Variants in PEX5L observed in about 807,000 individuals in gnomAD.
The protein encoded by PEX5L is PEX5-related protein.
Under a neutral mutation model 84.0 loss-of-function variants are expected in PEX5L, and 30 were observed. The ratio of observed to expected loss-of-function variants is 0.36; its 90% CI spans 0.27 to 0.48. The LOEUF (loss-of-function observed/expected upper bound fraction) is 0.48. PEX5L is among the 20% of genes least tolerant of loss of function. The pLI is 0.99. For missense variants in PEX5L, 533 were observed against 754.6 expected (o/e 0.71, Z 3.44); for synonymous variants, 270 against 283.1 (o/e 0.95, Z 0.46).
At chr3:179,852,122 AG>A (rs1271132422) in intron 8 of PEX5L, among the ~76,000 whole-genome samples, 1 of 152,228 alleles carries the variant, frequency 6.6e-6, no homozygotes, top group Non-Finnish European at 1.5e-5. Context: ...TCTGAGGGTC[AG>A]GAATTAGGGA....
rs922088468 is a variant in PEX5L, at chr3:179,887,300, C to T, written c.310+373G>A. Among the ~76,000 whole-genome samples, 6 of 152,036 alleles carry T rather than the reference C, an allele frequency of 3.9e-5. No individual in the cohort carries two copies. The East Asian group carries it at 9.6e-4, about 24-fold the overall frequency. On this transcript the variant is annotated intron_variant, in intron 4 of 14. Transcript: ENST00000467460. ...GCCACATTTTTATTTACTGGACTTC[C>T]GTTATACAAAATATTTCCAGAAATA...
intron 2 of PEX5L, among the ~76,000 whole-genome samples, chr3:179,908,276 G>A (rs148316797): frequency 1.2e-4 from 19 of 152,334 alleles, no homozygotes; most frequent in African/African-American, 3.1e-4. Context: ...CACAGTCAGC[G>A]TGTAGCTGGG....
At chr3:179,899,698 T>G (rs1338393562) in intron 2 of PEX5L, among the ~76,000 whole-genome samples, 1 of 152,180 alleles carries the variant, frequency 6.6e-6, no homozygotes, top group East Asian at 1.9e-4. Context: ...AGCTAATAGA[T>G]TTTTAAATGT....
At chr3:179,876,878 T>C (rs1752601463) in intron 5 of PEX5L, among the ~76,000 whole-genome samples, 1 of 152,174 alleles carries the variant, frequency 6.6e-6, no homozygotes, top group Non-Finnish European at 1.5e-5. Flanking sequence ...TGTTTCAAAT[T>C]TGGGATTTTT....
At chr3:179,813,968 G>A (rs1348093006) in intron 10 of PEX5L, among the ~76,000 whole-genome samples, 3 of 147,262 alleles carry the variant, frequency 2.0e-5, no homozygotes, top group African/African-American at 7.6e-5. Flanking sequence ...GAGCCACCGC[G>A]CCCGGCCATT....
chr3:179,796,289 T>C lies in PEX5L; in HGVS notation c.*5539A>G, dbSNP rs1199103357. On this transcript the variant is annotated 3_prime_UTR_variant, in exon 15 of 15. Coordinates refer to ENST00000467460, the MANE Select transcript of PEX5L (RefSeq NM_016559.3). ...TATTATTTTGAGTGCAGGCTTCTAT[T>C]AAGTATCCCACGGAGCTCATCAGGG... 6.6e-6 allele frequency: 1 copy of C among 152,212 alleles called. No individual in the cohort carries two copies. The highest frequency in any genetic ancestry group is 1.5e-5 in the Non-Finnish European group (1 of 68,034). The allele number at this position is 152,212 out of a possible 1,614,324, so 9.4% of individuals were successfully genotyped here.
chr3:180,023,135 C>T (rs1373814814), intron 1 of PEX5L, among the ~76,000 whole-genome samples: 1 of 152,194 alleles, frequency 6.6e-6, no homozygotes, highest in Non-Finnish European at 1.5e-5. Context: ...GACCCAGATT[C>T]TACTCCTCAG....
intron 8 of PEX5L, among the ~76,000 whole-genome samples, chr3:179,852,255 GT>G (rs1384418860): frequency 6.6e-6 from 1 of 152,176 alleles, no homozygotes; most frequent in Non-Finnish European, 1.5e-5. Flanking sequence ...GCTCCCTCAT[GT>G]GGTGTGGACA....
At chr3:179,907,486 A>T (rs1404138511) in intron 2 of PEX5L, among the ~76,000 whole-genome samples, 5 of 151,350 alleles carry the variant, frequency 3.3e-5, no homozygotes, top group African/African-American at 1.2e-4. Flanking sequence ...CTAATTTTTA[A>T]TTTTTTTGGT....
At chr3:179,938,152 T>C (rs1775110044) in intron 2 of PEX5L, among the ~76,000 whole-genome samples, 1 of 151,878 alleles carries the variant, frequency 6.6e-6, no homozygotes, top group African/African-American at 2.4e-5. Context: ...TCTGCAGAGG[T>C]GAACATACAA....
At chr3:180,013,049 A>T (rs533654669) in intron 1 of PEX5L, among the ~76,000 whole-genome samples, 8 of 152,324 alleles carry the variant, frequency 5.3e-5, no homozygotes, top group Non-Finnish European at 1.0e-4. Context: ...TAGTTTTGGT[A>T]GCAGTATTTC....
At chr3:179,986,932 T>C (rs1306636899) in intron 1 of PEX5L, among the ~76,000 whole-genome samples, 4 of 152,226 alleles carry the variant, frequency 2.6e-5, no homozygotes, top group East Asian at 1.9e-4. Context: ...TCTTTATTAC[T>C]TTTTTAGACA....
intron 8 of PEX5L, among the ~76,000 whole-genome samples, chr3:179,844,754 C>T (rs373678416): frequency 3.3e-5 from 5 of 152,098 alleles, no homozygotes; most frequent in African/African-American, 4.8e-5. Context: ...GGCGTGAACC[C>T]GGGAGGCAGA....
intron 1 of PEX5L, among the ~76,000 whole-genome samples, chr3:179,988,952 T>C (rs562235125): frequency 6.6e-6 from 1 of 152,348 alleles, no homozygotes; most frequent in Non-Finnish European, 1.5e-5. Flanking sequence ...TAAAATGCCA[T>C]TATCAAGATA....
chr3:179,935,223 T>C (rs1774255490), intron 2 of PEX5L, among the ~76,000 whole-genome samples: 1 of 152,192 alleles, frequency 6.6e-6, no homozygotes, highest in African/African-American at 2.4e-5. Flanking sequence ...TAATGCTATG[T>C]AAAAAAGTTT....
chr3:179,802,547 A>G (rs1235367909), intron 14 of PEX5L, among the ~76,000 whole-genome samples: 2 of 150,280 alleles, frequency 1.3e-5, no homozygotes, highest in Non-Finnish European at 3.0e-5. Context: ...AAAAAAAAAA[A>G]AAAAAAAGAA....
intron 2 of PEX5L, among the ~76,000 whole-genome samples, chr3:179,898,707 A>G (rs1760189545): frequency 6.6e-6 from 1 of 152,064 alleles, no homozygotes; most frequent in African/African-American, 2.4e-5. Context: ...AGTCTTTGCC[A>G]TTTTTGAGTG....
chr3:179,922,039 C>G (rs1769612211), intron 2 of PEX5L: 1 of 152,080 alleles, frequency 6.6e-6, no homozygotes, highest in African/African-American at 2.4e-5. Flanking sequence ...CCTCACCCCC[C>G]CACCCCCAAC....
Position 179,879,994 on chromosome 3 carries a change from A to C in PEX5L, c.440T>G (p.Ile147Ser). Residue 147 changes from isoleucine (I) to serine (S), a missense_variant, in exon 5 of 15, where the codon ATC becomes AGC. By Grantham distance (142) the Ile-to-Ser change is moderately radical. Coordinates refer to ENST00000467460, the MANE Select transcript of PEX5L (RefSeq NM_016559.3). ...GCCTCTCTGCTCAGCATCCGTGCTG[A>C]TGAGGTCAGATCCATCGGCCTTTTT... Reference protein sequence around the residue: ...LKKKADGSDLISTDAEQRGQP... With the variant: ...LKKKADGSDLSSTDAEQRGQP... The C allele has an allele frequency of 6.2e-7, 1 of 1,613,910 alleles. No individual in the cohort carries two copies. Among genetic ancestry groups the C allele is most frequent in the Non-Finnish European group, 8.5e-7 (1 of 1,179,868 alleles).
Sources: gnomAD v4.1 joint callset for allele counts (sites outside exome capture counted in the v4.1 genomes callset) on GRCh38, gnomAD v4.1.1 for gene constraint, MANE v1.5 for transcripts, NCBI Gene and HGNC (gene_info 2026-07-23, HGNC 2026-07-21) for gene names.